The following BMP6 variants were observed in gnomAD, a reference collection of about 807,000 sequenced individuals.
The protein encoded by BMP6 is VG-1-R.
BMP6 carries 17 observed loss-of-function variants against 54.1 expected under a neutral mutation model. The ratio of observed to expected loss-of-function variants is 0.31; its 90% confidence interval spans 0.22 to 0.47. The LOEUF (loss-of-function observed/expected upper bound fraction) is 0.47, where lower values mean the gene tolerates loss of function less well. Among genes scored for constraint, BMP6 ranks in the 20% least tolerant of loss-of-function variants. The pLI, the probability that BMP6 is intolerant of heterozygous loss-of-function variation, is 1.00. For missense variants in BMP6, 720 were observed against 690.4 expected (o/e 1.04, Z -0.48); for synonymous variants, 328 against 291.2 (o/e 1.13, Z -1.28).
At position 7,727,998 on chromosome 6, in the gene BMP6, G is replaced by A. The variant is rs548922910; in HGVS notation, c.664+379G>A. Reference sequence around the variant, plus strand: ...CAGCAGGAGAGTCCAGCCCGAGTGTGGCCATCCTGGGAAGAGGGCTCTTCA... The same window carrying A: ...CAGCAGGAGAGTCCAGCCCGAGTGTAGCCATCCTGGGAAGAGGGCTCTTCA... On this transcript the variant is annotated intron_variant, in intron 1 of 6. Transcript: ENST00000283147. Among the ~76,000 whole-genome samples the A allele has an allele frequency of 2.0e-5, 3 of 152,226 alleles. No homozygotes were observed. In the South Asian group the frequency reaches 6.2e-4, roughly 32 times the overall value.
intron 1 of BMP6, among the ~76,000 whole-genome samples, chr6:7,784,341 G>A (rs902408782): frequency 2.0e-5 from 3 of 152,130 alleles, no homozygotes; most frequent in Non-Finnish European, 2.9e-5. Context: ...AAGTATGAAA[G>A]TAATCTTCAG....
chr6:7,856,579 C>G (rs1281492220), intron 2 of BMP6, among the ~76,000 whole-genome samples: 2 of 146,704 alleles, frequency 1.4e-5, no homozygotes, highest in South Asian at 2.2e-4. Context: ...TATATAAATG[C>G]CAGTTTATCA....
chr6:7,755,434 T>A (rs1757499910), intron 1 of BMP6, among the ~76,000 whole-genome samples: 1 of 152,264 alleles, frequency 6.6e-6, no homozygotes. Flanking sequence ...TCACGTAGAA[T>A]GTAAGAATTT....
At chr6:7,807,118 C>T (rs905738922) in intron 1 of BMP6, among the ~76,000 whole-genome samples, 8 of 152,164 alleles carry the variant, frequency 5.3e-5, no homozygotes, top group East Asian at 1.9e-4. Flanking sequence ...CATTCTCTTA[C>T]GTAATACTCT....
chr6:7,760,815 G>A (rs1410535294), intron 1 of BMP6, among the ~76,000 whole-genome samples: 1 of 152,194 alleles, frequency 6.6e-6, no homozygotes, highest in Non-Finnish European at 1.5e-5. Flanking sequence ...GTGAATAAAA[G>A]TTAAAGTAAA....
At chr6:7,738,155 C>T (rs939150121) in intron 1 of BMP6, among the ~76,000 whole-genome samples, 20 of 152,176 alleles carry the variant, frequency 1.3e-4, no homozygotes, top group Admixed American at 6.5e-4. Context: ...TTGAGGTTTA[C>T]AAATCTTTCT....
intron 1 of BMP6, among the ~76,000 whole-genome samples, chr6:7,795,484 G>A (rs138806365): frequency 5.6e-4 from 85 of 152,290 alleles, no homozygotes; most frequent in African/African-American, 2.0e-3. Flanking sequence ...GGATGTGGCT[G>A]GACAGAGAGG....
intron 1 of BMP6, among the ~76,000 whole-genome samples, chr6:7,792,722 G>A (rs78945748): frequency 0.11 from 16,094 of 152,228 alleles, 1,100 homozygotes; most frequent in African/African-American, 0.2. Context: ...GATGCTTGAT[G>A]GCAGGGAATG....
intron 1 of BMP6, among the ~76,000 whole-genome samples, chr6:7,754,522 C>T (rs1325237177): frequency 6.6e-6 from 1 of 152,060 alleles, no homozygotes; most frequent in East Asian, 1.9e-4. Flanking sequence ...TTTATTTTTC[C>T]CCTTCCTGTG....
At chr6:7,820,900 G>T (rs1181644625) in intron 1 of BMP6, among the ~76,000 whole-genome samples, 1 of 152,220 alleles carries the variant, frequency 6.6e-6, no homozygotes, top group Non-Finnish European at 1.5e-5. Flanking sequence ...GATCGCTTGT[G>T]TGCCCGGTTC....
At chr6:7,780,878 T>G (rs564498349) in intron 1 of BMP6, among the ~76,000 whole-genome samples, 1 of 151,972 alleles carries the variant, frequency 6.6e-6, no homozygotes, top group Admixed American at 6.5e-5. Flanking sequence ...ACCTGGCTAA[T>G]TTTTGTATTT....
chr6:7,739,209 T>C (rs735666), intron 1 of BMP6, among the ~76,000 whole-genome samples: 1 of 152,124 alleles, frequency 6.6e-6, no homozygotes, highest in African/African-American at 2.4e-5. Context: ...CTAAAGACTG[T>C]AATTTAGAAG....
At chr6:7,840,005 A>T (rs1343960331) in intron 1 of BMP6, among the ~76,000 whole-genome samples, 1 of 152,244 alleles carries the variant, frequency 6.6e-6, no homozygotes, top group African/African-American at 2.4e-5. Context: ...TCTATGAAGT[A>T]GGGCTGAAGA....
intron 1 of BMP6, among the ~76,000 whole-genome samples, chr6:7,840,310 C>T (rs1758949187): frequency 1.3e-5 from 2 of 152,152 alleles, no homozygotes; most frequent in Admixed American, 6.5e-5. Flanking sequence ...TGTGAGGTAC[C>T]TTTGGAGAGA....
At chr6:7,773,601 G>A (rs1444409906) in intron 1 of BMP6, among the ~76,000 whole-genome samples, 2 of 152,158 alleles carry the variant, frequency 1.3e-5, no homozygotes, top group Non-Finnish European at 2.9e-5. Context: ...TCCATTCAAC[G>A]TATTTTCTTT....
chr6:7,782,412 A>G (rs928164042), intron 1 of BMP6, among the ~76,000 whole-genome samples: 35 of 152,128 alleles, frequency 2.3e-4, no homozygotes, highest in African/African-American at 8.4e-4. Context: ...CTCTGTGTGT[A>G]CAAAGTAACT....
chr6:7,797,553 A>G (rs894539371), intron 1 of BMP6, among the ~76,000 whole-genome samples: 6 of 152,200 alleles, frequency 3.9e-5, no homozygotes, highest in African/African-American at 1.4e-4. Flanking sequence ...GGGTGCTGAG[A>G]GGGAGTAATA....
chr6:7,856,120 T>TAAAAAAAAAAAAAAAAAAAAAAAAA (rs56264814), intron 2 of BMP6, among the ~76,000 whole-genome samples: 1 of 83,664 alleles, frequency 1.2e-5, no homozygotes, highest in Non-Finnish European at 2.2e-5. Context: ...TCAAAGACTG[T>TAAAAAAAAAAAAAAAAAAAAAAAAA]AAAAAAAAAA....
intron 1 of BMP6, among the ~76,000 whole-genome samples, chr6:7,774,209 A>G (rs758891884): frequency 6.6e-6 from 1 of 152,156 alleles, no homozygotes; most frequent in Non-Finnish European, 1.5e-5. Flanking sequence ...GGCAGAGAAA[A>G]TTCTCAGGTT....
Sources: gnomAD v4.1 joint callset for allele counts (sites outside exome capture counted in the v4.1 genomes callset) on GRCh38, gnomAD v4.1.1 for gene constraint, MANE v1.5 for transcripts, NCBI Gene and HGNC (gene_info 2026-07-23, HGNC 2026-07-21) for gene names.